The following MTPAP variants were observed in gnomAD, a reference collection of about 807,000 sequenced individuals.
MTPAP encodes the protein poly(A) RNA polymerase, mitochondrial.
In MTPAP, 23 loss-of-function variants were observed where a neutral mutation model predicts 48.7. That is an observed-to-expected ratio of 0.47 (90% confidence interval 0.34 to 0.67). MTPAP has a LOEUF of 0.67. Among genes scored for constraint, MTPAP ranks in the 30% least tolerant of loss-of-function variants. MTPAP has a pLI of 0.01. For synonymous variants in MTPAP, 257 were observed against 254.1 expected (o/e 1.01, Z -0.11); for missense variants, 614 against 694.3 (o/e 0.88, Z 1.30).
intron 5 of MTPAP, among the ~76,000 whole-genome samples, chr10:30,323,140 A>G (rs1318764126): frequency 8.0e-6 from 1 of 124,530 alleles, no homozygotes; most frequent in African/African-American, 3.0e-5. Flanking sequence ...AAAAAAAAAA[A>G]AAAAAAAAAA....
At chr10:30,329,710 A>C (rs894162304) in intron 4 of MTPAP, among the ~76,000 whole-genome samples, 17 of 152,178 alleles carry the variant, frequency 1.1e-4, no homozygotes, top group African/African-American at 4.1e-4. Flanking sequence ...AGTTGGCAAT[A>C]AAGAGGGGAA....
At chr10:30,336,265 T>C (rs987518783) in intron 4 of MTPAP, among the ~76,000 whole-genome samples, 1 of 151,856 alleles carries the variant, frequency 6.6e-6, no homozygotes, top group South Asian at 2.1e-4. Flanking sequence ...TATTAACAAA[T>C]AAAATAGAAC....
intron 4 of MTPAP, among the ~76,000 whole-genome samples, chr10:30,329,872 C>T (rs945447758): frequency 5.3e-5 from 8 of 151,204 alleles, no homozygotes; most frequent in Non-Finnish European, 1.0e-4. Context: ...CCACTGAGGG[C>T]GATACAGTAG....
At chr10:30,322,330 G>A in intron 6 of MTPAP, 61 bp downstream of exon 6, 1 of 1,312,188 alleles carries the variant, frequency 7.6e-7, no homozygotes, top group East Asian at 2.3e-5. Context: ...GTAACACATG[G>A]TAATTATATT....
At chr10:30,325,124 A>C (rs570910453) in intron 5 of MTPAP, among the ~76,000 whole-genome samples, 1 of 152,306 alleles carries the variant, frequency 6.6e-6, no homozygotes, top group Non-Finnish European at 1.5e-5. Context: ...TCTTGATATA[A>C]AGAAAAAAAC....
chr10:30,346,483 T>G (rs1027475294), intron 1 of MTPAP, among the ~76,000 whole-genome samples: 3 of 152,214 alleles, frequency 2.0e-5, no homozygotes, highest in African/African-American at 7.2e-5. Flanking sequence ...GCACTGGCTT[T>G]AAACATAATA....
intron 4 of MTPAP, among the ~76,000 whole-genome samples, chr10:30,334,980 T>C (rs1043149105): frequency 2.0e-5 from 3 of 152,220 alleles, no homozygotes; most frequent in Admixed American, 1.3e-4. Context: ...ATTAAAAGAA[T>C]GGTTAGCAAA....
intron 1 of MTPAP, among the ~76,000 whole-genome samples, chr10:30,342,810 T>C (rs1306547231): frequency 1.3e-5 from 2 of 152,084 alleles, no homozygotes; most frequent in Admixed American, 6.6e-5. Context: ...AATCAAAGAA[T>C]TTAAAACCTC....
chr10:30,339,101 C>T lies in MTPAP; in HGVS notation c.555+1125G>A, dbSNP rs182159567. On this transcript the variant is annotated intron_variant, in intron 3 of 8. Coordinates refer to ENST00000263063, the MANE Select transcript of MTPAP (RefSeq NM_018109.4). ...TCACGCCACTGCACTCCAGCCTGGG[C>T]GACAGAGCAAGAGTCCGTCTCAAAA... is the stretch of plus-strand genomic sequence containing the variant. Among the ~76,000 whole-genome samples the T allele has an allele frequency of 1.1e-3, 167 of 151,922 alleles. 2 individuals carry two copies. Among genetic ancestry groups the T allele is most frequent in the African/African-American group, 3.9e-3 (161 of 41,428 alleles).
intron 8 of MTPAP, 111 bp from the exon 9 acceptor site, chr10:30,314,082 A>C: frequency 1.6e-6 from 2 of 1,224,186 alleles, no homozygotes; most frequent in Non-Finnish European, 2.3e-6. Flanking sequence ...CATTAACTTT[A>C]CATAGCAAAG....
rs1467008828 is a variant in MTPAP, at chr10:30,322,372, A to C, written c.1219+19T>G. The C allele has an allele frequency of 6.6e-7, 1 of 1,526,192 alleles. No individual in the cohort carries two copies. The allele number at this position is 1,526,192 out of a possible 1,614,324, so 94.5% of individuals were successfully genotyped here. A position where few individuals can be genotyped will look rare whatever the true frequency, so the allele number is the denominator to read the frequency against. The stretch of plus-strand genomic sequence containing the variant: ...TAACATTGGAAAAAGAAAATGGAGA[A>C]GTTTCTTTCTAGTCTTACCTGCTAG... On this transcript the variant is annotated intron_variant, in intron 6 of 8. Coordinates refer to ENST00000263063, the MANE Select transcript of MTPAP (RefSeq NM_018109.4).
chr10:30,342,693 C>T (rs969492888), intron 1 of MTPAP, among the ~76,000 whole-genome samples: 6 of 152,028 alleles, frequency 3.9e-5, no homozygotes, highest in East Asian at 1.9e-4. Context: ...TTTGGAAATT[C>T]GGTGTTTTGA....
intron 6 of MTPAP, among the ~76,000 whole-genome samples, chr10:30,318,796 T>C (rs1467232521): frequency 6.6e-6 from 1 of 152,162 alleles, no homozygotes; most frequent in East Asian, 1.9e-4. Context: ...AACCCAATAC[T>C]ATTCCGAGAA....
In MTPAP at chr10:30,322,446, G is replaced by A. The variant is rs1335484061; in HGVS notation, c.1164C>T (p.Leu388=). 4 of 1,613,436 alleles carry A rather than the reference G, an allele frequency of 2.5e-6. No individual in the cohort carries two copies. Among genetic ancestry groups the A allele is most frequent in the African/African-American group, 2.7e-5 (2 of 74,848 alleles). Reference sequence around the variant, plus strand: ...GAAGAATAGGGGGTGATCTTCTCTGGAGAAAAAAGATGACCATCATTGTAA... The same window carrying A: ...GAAGAATAGGGGGTGATCTTCTCTGAAGAAAAAAGATGACCATCATTGTAA... ...FSLTMMVIFF[L]QRRSPPILPT... is the part of the protein sequence containing the mutation. The change falls in exon 6 of 9, where the codon CTC becomes CTT. Residue 388 remains leucine, a synonymous_variant. Transcript: ENST00000263063.
intron 5 of MTPAP, among the ~76,000 whole-genome samples, chr10:30,323,948 A>G (rs1408483167): frequency 2.0e-5 from 3 of 152,218 alleles, no homozygotes; most frequent in Non-Finnish European, 2.9e-5. Context: ...TGGGAAGCTG[A>G]GGTGGGCAGA....
chr10:30,345,312 G>C (rs1294485470), intron 1 of MTPAP, among the ~76,000 whole-genome samples: 1 of 152,014 alleles, frequency 6.6e-6, no homozygotes, highest in African/African-American at 2.4e-5. Context: ...TCATAGTTTA[G>C]CCAAATCTCT....
At position 30,333,680 on chromosome 10, in the gene MTPAP, C is replaced by T. The variant is rs570846887; in HGVS notation, c.780+3123G>A. On this transcript the variant is annotated intron_variant, in intron 4 of 8. Transcript: ENST00000263063. ...CTATAATCGTAGCACTTGGGGAGGC[C>T]GAGGTGGGTGGATCACCTGAACTCA... is the stretch of plus-strand genomic sequence containing the variant. 5.3e-5 allele frequency among the ~76,000 whole-genome samples: 8 copies of T among 152,182 alleles called. No individual in the cohort carries two copies. The East Asian group carries it at 1.2e-3, about 22-fold the overall frequency.
rs139195646 is a variant in MTPAP at position 30,322,599 on chromosome 10, G to A, written c.1011C>T (p.Ser337=). ...GGGCACCATATATATAAAGGAGTTCGGAACTTGTCAAGGCAATCCTTCAAA... is the reference window on the plus strand; with the variant it reads ...GGGCACCATATATATAAAGGAGTTCAGAACTTGTCAAGGCAATCCTTCAAA... ...TTNNRIALTS[S]ELLYIYGALD... is the part of the protein sequence containing the mutation. The change falls in exon 6 of 9, where the codon TCC becomes TCT. Residue 337 remains serine, a synonymous_variant. Transcript: ENST00000263063. The A allele has an allele frequency of 2.1e-4, 345 of 1,612,534 alleles. No individual in the cohort carries two copies. Among genetic ancestry groups the A allele is most frequent in the Non-Finnish European group, 2.8e-4 (328 of 1,178,944 alleles).
chr10:30,324,948 G>A (rs1268922680), intron 5 of MTPAP, among the ~76,000 whole-genome samples: 2 of 151,430 alleles, frequency 1.3e-5, no homozygotes, highest in East Asian at 1.9e-4. Flanking sequence ...CCAAGATTGC[G>A]GCACTGCACT....
Sources: gnomAD v4.1 joint callset for allele counts (sites outside exome capture counted in the v4.1 genomes callset) on GRCh38, gnomAD v4.1.1 for gene constraint, MANE v1.5 for transcripts, NCBI Gene and HGNC (gene_info 2026-07-23, HGNC 2026-07-21) for gene names.